Variants in SMAD3 observed in about 807,000 individuals in gnomAD.
The protein encoded by SMAD3 is MAD homolog 3.
In SMAD3, 12 loss-of-function variants were observed where a neutral mutation model predicts 51.8. The ratio of observed to expected loss-of-function variants is 0.23; its 90% CI spans 0.15 to 0.38. The LOEUF (loss-of-function observed/expected upper bound fraction) is 0.38, where lower values mean the gene tolerates loss of function less well. Among genes scored for constraint, SMAD3 ranks in the 10% least tolerant of loss-of-function variants. SMAD3 has a pLI of 1.00. For synonymous variants in SMAD3, 238 were observed against 227.7 expected, an observed-to-expected ratio of 1.05 and a Z score of -0.41; for missense variants, 294 against 565.6, an observed-to-expected ratio of 0.52 and a Z score of 4.87.
At chr15:67,070,660 A>G (rs1341960477) in intron 1 of SMAD3, among the ~76,000 whole-genome samples, 1 of 150,922 alleles carries the variant, frequency 6.6e-6, no homozygotes. Context: ...TACCAGTAGA[A>G]ATATGAGATC....
intron 1 of SMAD3, among the ~76,000 whole-genome samples, chr15:67,105,359 A>G (rs548421671): frequency 7.2e-5 from 11 of 152,130 alleles, no homozygotes; most frequent in Admixed American, 6.5e-4. Context: ...ATCATGGCGC[A>G]CCTCCACGGC....
chr15:67,170,816 G>A (rs1269888924), intron 5 of SMAD3: 1 of 569,842 alleles, frequency 1.8e-6, no homozygotes, highest in Non-Finnish European at 3.1e-6. Context: ...ACAACCATAT[G>A]CCAGGTTTGT....
At chr15:67,149,690 T>G (rs895005158) in intron 1 of SMAD3, among the ~76,000 whole-genome samples, 2 of 152,160 alleles carry the variant, frequency 1.3e-5, no homozygotes, top group Non-Finnish European at 2.9e-5. Flanking sequence ...TCTGTACCCT[T>G]AGACAGAAAG....
intron 1 of SMAD3, among the ~76,000 whole-genome samples, chr15:67,083,865 AC>A (rs977801727): frequency 6.6e-6 from 1 of 152,062 alleles, no homozygotes; most frequent in Non-Finnish European, 1.5e-5. Flanking sequence ...ATAAAATGAG[AC>A]CCAAAGAAAC....
At chr15:67,068,846 A>C (rs569596072) in intron 1 of SMAD3, among the ~76,000 whole-genome samples, 8 of 152,156 alleles carry the variant, frequency 5.3e-5, no homozygotes, top group African/African-American at 1.9e-4. Context: ...GGTGATATCA[A>C]TGTGTCTGCT....
At chr15:67,166,210 C>T in intron 3 of SMAD3, 1 of 1,017,212 alleles carries the variant, frequency 9.8e-7, no homozygotes, top group Non-Finnish European at 1.2e-6. Context: ...CAACTACTCC[C>T]TGTTCAAAGA....
chr15:67,143,790 T>C (rs937360448), intron 1 of SMAD3, among the ~76,000 whole-genome samples: 1 of 151,994 alleles, frequency 6.6e-6, no homozygotes, highest in African/African-American at 2.4e-5. Context: ...TCGCCTGGGC[T>C]AGAGTGCATA....
rs1298271230 is a variant in SMAD3, at chr15:67,165,501, C to A, written c.532+117C>A. 16 of 1,290,530 alleles carry A rather than the reference C, an allele frequency of 1.2e-5. No individual in the cohort carries two copies. In the Admixed American group the frequency reaches 2.3e-4, roughly 19 times the overall value. 79.9% of individuals were successfully genotyped at this position (1,290,530 alleles called of 1,614,324 possible). A position where few individuals can be genotyped will look rare whatever the true frequency, so the allele number is the denominator to read the frequency against. ...CCGTCCCCCGCTCACCCCCTCTTTG[C>A]GCACAGCTCTGGCCTGAGGGCCCCT... On this transcript the variant is annotated intron_variant, in intron 3 of 8. Coordinates refer to ENST00000327367, the MANE Select transcript of SMAD3 (RefSeq NM_005902.4).
intron 1 of SMAD3, among the ~76,000 whole-genome samples, chr15:67,075,052 G>A (rs370333481): frequency 6.6e-6 from 1 of 151,636 alleles, no homozygotes; most frequent in East Asian, 1.9e-4. Context: ...TTTGAAAATA[G>A]TAATGCTTTT....
At chr15:67,178,491 AT>A (rs1484842977) in intron 5 of SMAD3, among the ~76,000 whole-genome samples, 4 of 152,026 alleles carry the variant, frequency 2.6e-5, no homozygotes, top group African/African-American at 9.7e-5. Context: ...GGTCAGCTTT[AT>A]TGTAGCTTTA....
In SMAD3 at chr15:67,192,409, G is replaced by A. The variant is rs1963389574; in HGVS notation, c.*1873G>A. 4.3e-6 allele frequency: 1 copy of A among 233,260 alleles called. No individual in the cohort carries two copies. The highest frequency in any genetic ancestry group is 2.2e-5 in the African/African-American group (1 of 45,338). 14.4% of individuals were successfully genotyped at this position (233,260 alleles called of 1,614,324 possible). ...CAATACAAAACCCCTCACTTCCTCT[G>A]AGAGGGCCAAATGCTGTGAGTCTGA... On this transcript the variant is annotated 3_prime_UTR_variant, in exon 9 of 9. Transcript: ENST00000327367.
At chr15:67,102,020 G>A (rs1368384779) in intron 1 of SMAD3, among the ~76,000 whole-genome samples, 2 of 152,146 alleles carry the variant, frequency 1.3e-5, no homozygotes, top group African/African-American at 2.4e-5. Context: ...CTTGGAATGC[G>A]CTGATATTTA....
intron 1 of SMAD3, among the ~76,000 whole-genome samples, chr15:67,093,179 T>C (rs930780337): frequency 2.0e-5 from 3 of 152,226 alleles, no homozygotes; most frequent in African/African-American, 4.8e-5. Flanking sequence ...GACTCCTGGC[T>C]CCCTGAGCTT....
chr15:67,109,747 G>A (rs139603542), intron 1 of SMAD3, among the ~76,000 whole-genome samples: 2 of 152,162 alleles, frequency 1.3e-5, no homozygotes, highest in Admixed American at 6.5e-5. Context: ...ATGACCCCGC[G>A]TGCTGCCTGC....
At chr15:67,153,802 A>G (rs1052625657) in intron 1 of SMAD3, among the ~76,000 whole-genome samples, 1 of 152,172 alleles carries the variant, frequency 6.6e-6, no homozygotes, top group African/African-American at 2.4e-5. Flanking sequence ...GGCCTCGCCA[A>G]ATCCATAGCC....
At chr15:67,112,264 C>A (rs1961034390) in intron 1 of SMAD3, among the ~76,000 whole-genome samples, 2 of 147,404 alleles carry the variant, frequency 1.4e-5, no homozygotes, top group Non-Finnish European at 3.0e-5. Context: ...ATTCTCCTGC[C>A]TTAGCCTCCC....
intron 5 of SMAD3, among the ~76,000 whole-genome samples, chr15:67,174,076 G>T (rs1404350611): frequency 6.6e-6 from 1 of 152,222 alleles, no homozygotes; most frequent in Admixed American, 6.5e-5. Context: ...CCATAGCGGG[G>T]CCTGAGAGAA....
At chr15:67,100,018 C>T (rs563968460) in intron 1 of SMAD3, among the ~76,000 whole-genome samples, 4 of 152,014 alleles carry the variant, frequency 2.6e-5, no homozygotes, top group Non-Finnish European at 4.4e-5. Context: ...CCCATCTCTA[C>T]TAAAAATACA....
intron 1 of SMAD3, among the ~76,000 whole-genome samples, chr15:67,135,952 C>G (rs1193115514): frequency 6.6e-6 from 1 of 152,190 alleles, no homozygotes; most frequent in Non-Finnish European, 1.5e-5. Context: ...ACCCCTTCCC[C>G]CTTCTTCTCG....
Sources: gnomAD v4.1 joint callset for allele counts (sites outside exome capture counted in the v4.1 genomes callset) on GRCh38, gnomAD v4.1.1 for gene constraint, MANE v1.5 for transcripts, NCBI Gene and HGNC (gene_info 2026-07-23, HGNC 2026-07-21) for gene names.